Variants in GSTM4 observed in about 807,000 individuals in gnomAD.
GSTM4 encodes glutathione S-transferase mu 4.
A neutral mutation model predicts 30.1 loss-of-function variants in GSTM4; 27 were observed. The observed-to-expected ratio is 0.90, with a 90% CI of 0.66 to 1.24. The LOEUF (loss-of-function observed/expected upper bound fraction) is 1.24, where lower values mean the gene tolerates loss of function less well. Ranked by LOEUF, GSTM4 falls within the 50% of genes most tolerant of loss-of-function variation. The pLI is 0.00. For synonymous variants in GSTM4, 94 were observed against 96.2 expected, an observed-to-expected ratio of 0.98 and a Z score of 0.13; for missense variants, 238 against 272.1, an observed-to-expected ratio of 0.87 and a Z score of 0.88.
In GSTM4 at chr1:109,661,290, A is replaced by G. The variant is rs779874363; in HGVS notation, c.*36A>G. 9 of 1,612,770 alleles carry G rather than the reference A, an allele frequency of 5.6e-6. No individual in the cohort carries two copies. The South Asian group carries it at 9.9e-5, about 18-fold the overall frequency. ...GCCAGGAGGTGGGAGTGAGGAGCCC[A>G]TACTCAGCCTGCTGCCCAGGCTGTG... On this transcript the variant is annotated 3_prime_UTR_variant, in exon 8 of 8. Coordinates refer to ENST00000369836, the MANE Select transcript of GSTM4 (RefSeq NM_000850.5).
At chr1:109,657,697 G>T (rs772688754) in intron 4 of GSTM4, 26 bp downstream of exon 4, 11 of 1,614,090 alleles carry the variant, frequency 6.8e-6, no homozygotes, top group Admixed American at 1.7e-5. Flanking sequence ...TGCAGTGTGT[G>T]GGGGGAAGGT....
In GSTM4 at chr1:109,656,728, G is replaced by C; in HGVS notation, c.53G>C (p.Arg18Pro). ...WDIRGLAHAI[R>P]LLLEYTDSSY... ...CTCTTCCAGCTGGCCCACGCCATCC[G>C]CCTGCTCCTGGAATACACAGACTCA... Residue 18 changes from arginine to proline, a missense_variant, in exon 2 of 8, where the codon CGC (arginine) becomes CCC (proline). By Grantham distance (103) the Arg-to-Pro change is moderately radical. Transcript: ENST00000369836. 6.2e-7 allele frequency: 1 copy of C among 1,613,958 alleles called. No individual in the cohort carries two copies. The highest frequency in any genetic ancestry group is 2.2e-5 in the East Asian group (1 of 44,870).
intron 7 of GSTM4, 106 bp downstream of exon 7, chr1:109,659,216 A>G: frequency 6.2e-7 from 1 of 1,614,018 alleles, no homozygotes; most frequent in Non-Finnish European, 8.5e-7. Context: ...GCATTTATTG[A>G]GTGCTGGCTT....
chr1:109,657,697 G>C, intron 4 of GSTM4, 26 bp downstream of exon 4: 4 of 1,614,208 alleles, frequency 2.5e-6, no homozygotes, highest in Admixed American at 1.7e-5. Flanking sequence ...TGCAGTGTGT[G>C]GGGGGAAGGT....
chr1:109,660,935 A>G lies in GSTM4; in HGVS notation c.568-230A>G. 4 of 574,846 alleles carry G rather than the reference A, an allele frequency of 7.0e-6. No homozygotes were observed. In the South Asian group the frequency reaches 8.3e-5, roughly 12 times the overall value. The allele number at this position is 574,846 out of a possible 1,614,324, so 35.6% of individuals were successfully genotyped here. A position where few individuals can be genotyped will look rare whatever the true frequency, so the allele number is the denominator to read the frequency against. On this transcript the variant is annotated intron_variant, in intron 7 of 7. Coordinates refer to ENST00000369836, the MANE Select transcript of GSTM4 (RefSeq NM_000850.5). ...GGGTACAGAGCACCCAGCACCGGGT[A>G]GAATCTTCATAAGTGTTAGCTGTTA...
In GSTM4 at chr1:109,657,394, C is replaced by T; in HGVS notation, c.177+115C>T. 2.1e-6 allele frequency: 3 copies of T among 1,463,160 alleles called. No homozygotes were observed. In the South Asian group the frequency reaches 3.4e-5, roughly 17 times the overall value. The allele number at this position is 1,463,160 out of a possible 1,614,324, so 90.6% of individuals were successfully genotyped here. A position where few individuals can be genotyped will look rare whatever the true frequency, so the allele number is the denominator to read the frequency against. On this transcript the variant is annotated intron_variant, in intron 3 of 7. Transcript: ENST00000369836. ...GGAGTCTTCTGCCCAATTCCTCTCACTCCTGGTTGTCTACACAGCCCCTGC... is the reference window on the plus strand; with the variant it reads ...GGAGTCTTCTGCCCAATTCCTCTCATTCCTGGTTGTCTACACAGCCCCTGC...
At chr1:109,666,121 C>T (rs561462567), downstream of GSTM4, among the ~76,000 whole-genome samples, 2 of 152,224 alleles carry the variant, frequency 1.3e-5, no homozygotes, top group African/African-American at 4.8e-5. Flanking sequence ...GACAGGGTCT[C>T]ATTCTGTCAC....
chr1:109,661,718 T>G (rs1356614688), downstream of GSTM4: 2 of 1,055,358 alleles, frequency 1.9e-6, no homozygotes, highest in South Asian at 3.9e-5. Context: ...TAGTCTTGTC[T>G]TATTTGCTCC....
chr1:109,656,332 G>C lies in GSTM4; in HGVS notation c.-58G>C. The C allele has an allele frequency of 6.4e-7, 1 of 1,567,698 alleles. No individual in the cohort carries two copies. Among genetic ancestry groups the C allele is most frequent in the East Asian group, 2.2e-5 (1 of 44,572 alleles). On this transcript the variant is annotated 5_prime_UTR_variant, in exon 1 of 8. Coordinates refer to ENST00000369836, the MANE Select transcript of GSTM4 (RefSeq NM_000850.5). Reference sequence around the variant, plus strand: ...GCCCCTGCGTGCCGGGAACCCCAGAGGAGGTCGCAGTTCAGCCCAGCTGAG... The same window carrying C: ...GCCCCTGCGTGCCGGGAACCCCAGACGAGGTCGCAGTTCAGCCCAGCTGAG...
chr1:109,658,786 G>A (rs373486140), intron 5 of GSTM4, 28 bp from the exon 6 acceptor site: 42 of 1,523,452 alleles, frequency 2.8e-5, no homozygotes, highest in Non-Finnish European at 3.5e-5. Flanking sequence ...TTGTGTCTGA[G>A]GGTGGTGACA....
At chr1:109,656,922 T>A in intron 2 of GSTM4, 135 bp downstream of exon 2, 1 of 966,344 alleles carries the variant, frequency 1.0e-6, no homozygotes. Context: ...TGAGCCCCGG[T>A]GAGGGAGTCC....
At position 109,657,868 on chromosome 1, in the gene GSTM4, A is replaced by G. The variant is rs1652108456; in HGVS notation, c.356A>G (p.Asp119Gly). ...CTGGCCAGAGTCTGCTACAGCCCTGACTTTGTGAGTCCCTCCCTGGTCTGG... is the reference window on the plus strand; with the variant it reads ...CTGGCCAGAGTCTGCTACAGCCCTGGCTTTGTGAGTCCCTCCCTGGTCTGG... ...NQLARVCYSP[D>G]FEKLKPEYLE... Residue 119 changes from aspartate to glycine, a missense_variant, in exon 5 of 8, where the codon GAC becomes GGC. Physicochemically the swap from Asp to Gly is moderately conservative, Grantham distance 94. Transcript: ENST00000369836. 1 of 1,613,588 alleles carries G rather than the reference A, an allele frequency of 6.2e-7. No homozygotes were observed. Among genetic ancestry groups the G allele is most frequent in the African/African-American group, 1.3e-5 (1 of 74,870 alleles).
Position 109,661,178 on chromosome 1 carries a change from T to C in GSTM4, c.581T>C (p.Ile194Thr), listed in dbSNP as rs759881677. Residue 194 changes from isoleucine (I) to threonine (T), a missense_variant, in exon 8 of 8, where the codon ATC becomes ACC. Coordinates refer to ENST00000369836, the MANE Select transcript of GSTM4 (RefSeq NM_000850.5). Reference sequence around the variant, plus strand: ...CCCCCCTCTCAGGGCTTGGAGAAGATCTCTGCCTACATGAAGTCCAGCCGC... The same window carrying C: ...CCCCCCTCTCAGGGCTTGGAGAAGACCTCTGCCTACATGAAGTCCAGCCGC... ...FISRFEGLEK[I>T]SAYMKSSRFL... 2 of 1,612,374 alleles carry C rather than the reference T, an allele frequency of 1.2e-6. No homozygotes were observed. The highest frequency in any genetic ancestry group is 1.7e-6 in the Non-Finnish European group (2 of 1,179,644).
At chr1:109,665,145 G>A (rs530869453), downstream of GSTM4, 7 of 775,464 alleles carry the variant, frequency 9.0e-6, no homozygotes, top group African/African-American at 1.2e-4. Flanking sequence ...TCAGAAGACA[G>A]CAAAGATTTC....
downstream of GSTM4, among the ~76,000 whole-genome samples, chr1:109,664,341 C>CCTTTTTTTTTTTTTTTTTTTT (rs1647226667): frequency 2.8e-5 from 1 of 35,742 alleles, no homozygotes. Context: ...GAGAGAATAG[C>CCTTTTTTTTTTTTTTTTTTTT]TTTTTTTTTT....
downstream of GSTM4, among the ~76,000 whole-genome samples, chr1:109,662,164 A>G (rs1652346802): frequency 6.6e-6 from 1 of 152,208 alleles, no homozygotes; most frequent in South Asian, 2.1e-4. Flanking sequence ...TGACTGCCTT[A>G]GAGCAGGAAG....
chr1:109,663,270 T>C (rs1332844937), downstream of GSTM4, among the ~76,000 whole-genome samples: 1 of 152,220 alleles, frequency 6.6e-6, no homozygotes, highest in Admixed American at 6.5e-5. Context: ...TGCTGTAAGT[T>C]TTCTCTCTTT....
Position 109,657,431 on chromosome 1 carries a change from T to C in GSTM4, c.177+152T>C, listed in dbSNP as rs1652068284. ...TACACAGCCCCTGCATGATGTTCTG[T>C]GTCCCAGCTCATTTGTTCATGTGAC... On this transcript the variant is annotated intron_variant, in intron 3 of 7. Transcript: ENST00000369836. 2.8e-6 allele frequency: 4 copies of C among 1,424,886 alleles called. No homozygotes were observed. The South Asian group carries it at 4.6e-5, about 16-fold the overall frequency. 88.3% of individuals were successfully genotyped at this position (1,424,886 alleles called of 1,614,324 possible).
chr1:109,662,282 G>T (rs2101232060), downstream of GSTM4, among the ~76,000 whole-genome samples: 1 of 152,282 alleles, frequency 6.6e-6, no homozygotes, highest in African/African-American at 2.4e-5. Flanking sequence ...GCAGAGCTAG[G>T]TCTCAGTGAG....
Sources: allele counts gnomAD v4.1 joint callset (sites outside exome capture counted in the v4.1 genomes callset), GRCh38; gene constraint gnomAD v4.1.1; transcripts MANE v1.5; gene names NCBI Gene and HGNC (gene_info 2026-07-23, HGNC 2026-07-21).